DZIP3: variants seen among roughly 807,000 people sequenced by gnomAD.
DZIP3 encodes E3 ubiquitin-protein ligase DZIP3.
In DZIP3, 118 loss-of-function variants were observed where a neutral mutation model predicts 162.0. The ratio of observed to expected loss-of-function variants is 0.73; its 90% CI spans 0.63 to 0.85. DZIP3 has a LOEUF of 0.85. Ranked by LOEUF, DZIP3 falls within the 40% of genes least tolerant of loss-of-function variation. The pLI is 0.00. For missense variants in DZIP3, 1,331 were observed against 1,407.0 expected, an observed-to-expected ratio of 0.95 and a Z score of 0.86; for synonymous variants, 438 against 458.6, an observed-to-expected ratio of 0.96 and a Z score of 0.57.
At chr3:108,685,861 C>T (rs1000671860) in intron 27 of DZIP3, among the ~76,000 whole-genome samples, 1 of 152,174 alleles carries the variant, frequency 6.6e-6, no homozygotes, top group African/African-American at 2.4e-5. Flanking sequence ...TTGTAATTTA[C>T]AGACCTTTCT....
chr3:108,601,954 T>G (rs944596249), intron 1 of DZIP3, among the ~76,000 whole-genome samples: 2 of 152,164 alleles, frequency 1.3e-5, no homozygotes, highest in African/African-American at 4.8e-5. Flanking sequence ...GTCAGGGAGA[T>G]AGATTTGAGA....
chr3:108,648,235 G>A (rs1273274798), intron 16 of DZIP3, 123 bp downstream of exon 16: 2 of 880,092 alleles, frequency 2.3e-6, no homozygotes, highest in Non-Finnish European at 3.2e-6. Context: ...TTTATACAGA[G>A]CTTGAATTGG....
Position 108,677,596 on chromosome 3 carries a change from C to G in DZIP3, c.2881C>G (p.Leu961Val). The G allele has an allele frequency of 6.2e-7, 1 of 1,610,994 alleles. No individual in the cohort carries two copies. Among genetic ancestry groups the G allele is most frequent in the Non-Finnish European group, 8.5e-7 (1 of 1,177,692 alleles). ...TCCTCCACCACCCAGTCCTGAGATA[C>G]TGGTAAGAAATACAACATTTTGAAT... Reference protein sequence around the residue: ...LPPPPPSPEILMQQFLGRPLV... With the variant: ...LPPPPPSPEIVMQQFLGRPLV... Residue 961 changes from leucine (L) to valine (V), a missense_variant and splice_region_variant, in exon 26 of 33, where the codon CTG becomes GTG. Around this residue, in one of 2 missense-constraint regions of DZIP3, gnomAD observed 1,278 missense variants for 1,317.1 expected, o/e 0.97. Transcript: ENST00000361582.
chr3:108,637,444 AT>A lies in DZIP3; in HGVS notation c.1012-48del, dbSNP rs1223908226. The A allele has an allele frequency of 8.7e-6, 13 of 1,500,210 alleles. No individual in the cohort carries two copies. In the African/African-American group the frequency reaches 1.4e-4, roughly 16 times the overall value. The allele number at this position is 1,500,210 out of a possible 1,614,324, so 92.9% of individuals were successfully genotyped here. A position where few individuals can be genotyped will look rare whatever the true frequency, so the allele number is the denominator to read the frequency against. On this transcript the variant is annotated intron_variant, in intron 11 of 32. Coordinates refer to ENST00000361582, the MANE Select transcript of DZIP3 (RefSeq NM_014648.4). ...GTTAAGCTAAGAAATAACATTAAAC[AT>A]TTTGAAAATTGAACTACTTTAGGGC... is the stretch of plus-strand genomic sequence containing the variant.
chr3:108,606,022 T>A (rs1011799434), intron 2 of DZIP3, among the ~76,000 whole-genome samples: 1 of 152,204 alleles, frequency 6.6e-6, no homozygotes, highest in Non-Finnish European at 1.5e-5. Flanking sequence ...GTGCCATACC[T>A]TATTGTTCAG....
At position 108,658,053 on chromosome 3, in the gene DZIP3, A is replaced by G. The variant is rs1304919677; in HGVS notation, c.2199+3743A>G. ...CACAATAATCATGGGAGACTTTAAC[A>G]CCCCACTGTCAACATTAGACAGATC... is the stretch of plus-strand genomic sequence containing the variant. On this transcript the variant is annotated intron_variant, in intron 19 of 32. Coordinates refer to ENST00000361582, the MANE Select transcript of DZIP3 (RefSeq NM_014648.4). Among the ~76,000 whole-genome samples, 8 of 126,074 alleles carry G rather than the reference A, an allele frequency of 6.3e-5. No homozygotes were observed. The South Asian group carries it at 1.8e-3, about 29-fold the overall frequency. 82.7% of individuals were successfully genotyped at this position (126,074 alleles called of 152,430 possible).
At chr3:108,686,216 C>T (rs1944492087) in intron 27 of DZIP3, among the ~76,000 whole-genome samples, 1 of 152,142 alleles carries the variant, frequency 6.6e-6, no homozygotes, top group South Asian at 2.1e-4. Flanking sequence ...GAGAAAAACC[C>T]TAAAAGGGAT....
chr3:108,595,832 C>T lies in DZIP3; in HGVS notation c.-73+5993C>T, dbSNP rs148672566. ...AAGTTTTGTAATATGGGAATTATAC[C>T]GGGGTGTGAACACAGGGCTAATTGT... On this transcript the variant is annotated intron_variant, in intron 1 of 32. Transcript: ENST00000361582. Among the ~76,000 whole-genome samples, 4 of 152,200 alleles carry T rather than the reference C, an allele frequency of 2.6e-5. No individual in the cohort carries two copies. In the East Asian group the frequency reaches 5.8e-4, roughly 22 times the overall value.
rs866304937 is a variant in DZIP3 at position 108,682,959 on chromosome 3, G to A, written c.2884-1257G>A. On this transcript the variant is annotated intron_variant, in intron 26 of 32. Transcript: ENST00000361582. The stretch of plus-strand genomic sequence containing the variant: ...CAAACAGAGCAGGACTGTTGACTCA[G>A]TACCCACCATTCATTCATTTTTTTA... Among the ~76,000 whole-genome samples the A allele has an allele frequency of 3.3e-5, 5 of 150,748 alleles. 1 individual carries two copies. The highest frequency in any genetic ancestry group is 1.2e-4 in the African/African-American group (5 of 40,142).
intron 1 of DZIP3, among the ~76,000 whole-genome samples, chr3:108,590,755 C>T (rs999136915): frequency 2.0e-5 from 3 of 152,202 alleles, no homozygotes. Context: ...CTAGCTCCAC[C>T]TTTGACGATG....
chr3:108,636,584 C>G, intron 10 of DZIP3, 32 bp from the exon 11 acceptor site: 1 of 1,363,636 alleles, frequency 7.3e-7, no homozygotes, highest in Non-Finnish European at 9.9e-7. Context: ...TGATTTTTTT[C>G]TATTTTTATT....
intron 1 of DZIP3, among the ~76,000 whole-genome samples, chr3:108,597,956 T>G (rs1392566195): frequency 3.3e-5 from 5 of 152,336 alleles, no homozygotes; most frequent in South Asian, 4.1e-4. Context: ...TAGCCAGGTG[T>G]GAACTATTGT....
intron 16 of DZIP3, 78 bp downstream of exon 16, chr3:108,648,190 C>T: frequency 7.5e-7 from 1 of 1,327,346 alleles, no homozygotes; most frequent in East Asian, 2.5e-5. Context: ...GTACTTAAAG[C>T]ATCCCAGATA....
chr3:108,657,993 G>A (rs1402491967), intron 19 of DZIP3, among the ~76,000 whole-genome samples: 1 of 152,130 alleles, frequency 6.6e-6, no homozygotes, highest in Non-Finnish European at 1.5e-5. Context: ...CATAAAGCAA[G>A]TCATTAAAGA....
chr3:108,664,816 T>C (rs1366445034), intron 21 of DZIP3, among the ~76,000 whole-genome samples: 1 of 152,200 alleles, frequency 6.6e-6, no homozygotes, highest in East Asian at 1.9e-4. Context: ...AAAAAGGCAG[T>C]GTGAGCTGGT....
Position 108,674,412 on chromosome 3 carries a change from A to G in DZIP3, c.2693+231A>G, listed in dbSNP as rs1944029379. 1.3e-5 allele frequency among the ~76,000 whole-genome samples: 2 copies of G among 151,534 alleles called. 1 individual carries two copies. Among genetic ancestry groups the G allele is most frequent in the South Asian group, 4.2e-4 (2 of 4,810 alleles). ...GTTGTTTAAACCTCAAAAGTCATTT[A>G]GTTACTTTGATGCTTGTACTTGGCT... On this transcript the variant is annotated intron_variant, in intron 24 of 32. Coordinates refer to ENST00000361582, the MANE Select transcript of DZIP3 (RefSeq NM_014648.4).
chr3:108,641,170 G>T (rs549149844), intron 12 of DZIP3, among the ~76,000 whole-genome samples: 2 of 152,110 alleles, frequency 1.3e-5, no homozygotes, highest in South Asian at 2.1e-4. Context: ...CATGTATAGT[G>T]TAAGAACCTT....
At chr3:108,610,785 C>T (rs1046334458) in intron 3 of DZIP3, among the ~76,000 whole-genome samples, 2 of 152,130 alleles carry the variant, frequency 1.3e-5, no homozygotes, top group Non-Finnish European at 2.9e-5. Context: ...AGAATAAATT[C>T]CTGAAGATTA....
At chr3:108,642,847 A>G (rs956924828) in intron 13 of DZIP3, among the ~76,000 whole-genome samples, 2 of 152,176 alleles carry the variant, frequency 1.3e-5, no homozygotes, top group African/African-American at 2.4e-5. Flanking sequence ...AGCAAGCATT[A>G]GAGTACCCTT....
Sources: allele counts gnomAD v4.1 joint callset (sites outside exome capture counted in the v4.1 genomes callset), GRCh38; gene constraint gnomAD v4.1.1; regional missense constraint gnomAD v4.1.1; transcripts MANE v1.5; gene names NCBI Gene and HGNC (gene_info 2026-07-23, HGNC 2026-07-21).